The following RGS22 variants were observed in gnomAD, a reference collection of about 807,000 sequenced individuals.
RGS22 encodes regulator of G protein signaling 22, also known as regulator of G-protein signaling 22.
Under a neutral mutation model 172.9 loss-of-function variants are expected in RGS22, and 148 were observed. That is an observed-to-expected ratio of 0.86 (90% CI 0.75 to 0.98). The LOEUF (loss-of-function observed/expected upper bound fraction) is 0.98, where lower values mean the gene tolerates loss of function less well. RGS22 is among the 50% of genes least tolerant of loss of function. RGS22 has a pLI of 0.00. For synonymous variants in RGS22, 458 were observed against 480.2 expected, an observed-to-expected ratio of 0.95 and a Z score of 0.60; for missense variants, 1,347 against 1,440.8, an observed-to-expected ratio of 0.93 and a Z score of 1.05.
At chr8:100,001,202 TTATATA>T (rs140189906) in intron 18 of RGS22, among the ~76,000 whole-genome samples, 1 of 124,780 alleles carries the variant, frequency 8.0e-6, no homozygotes, top group African/African-American at 3.1e-5. Context: ...TCCCAATTTT[TTATATA>T]TATATATATA....
chr8:99,981,911 C>G (rs754599856), intron 22 of RGS22, 26 bp downstream of exon 22: 1 of 1,577,734 alleles, frequency 6.3e-7, no homozygotes, highest in Non-Finnish European at 8.6e-7. Flanking sequence ...TTAAAATATG[C>G]TTAGCCACAT....
chr8:100,007,836 C>T (rs1347619786), intron 15 of RGS22, among the ~76,000 whole-genome samples: 3 of 150,062 alleles, frequency 2.0e-5, no homozygotes, highest in African/African-American at 7.3e-5. Context: ...GGTGACAGAG[C>T]GAGACTCTGA....
chr8:100,100,312 C>T (rs1373861694), intron 2 of RGS22, among the ~76,000 whole-genome samples: 1 of 131,088 alleles, frequency 7.6e-6, no homozygotes, highest in East Asian at 2.2e-4. Flanking sequence ...TTTTTTGAGA[C>T]GTAGTCTCAT....
chr8:100,008,539 C>A lies in RGS22; in HGVS notation c.2197G>T (p.Ala733Ser). The change falls in exon 15 of 28, where the codon GCC becomes TCC. Residue 733 changes from alanine (A) to serine (S), a missense_variant. Transcript: ENST00000360863. The stretch of plus-strand genomic sequence containing the variant: ...TGTTGGAGTCCAATGTCAAGAGTGG[C>A]AGAAGGAGCAACGTATGTGGCAAAA... Reference protein sequence around the residue: ...YLFATYVAPSATLDIGLQQEK... With the variant: ...YLFATYVAPSSTLDIGLQQEK... The A allele has an allele frequency of 6.2e-7, 1 of 1,610,426 alleles. No individual in the cohort carries two copies. Among genetic ancestry groups the A allele is most frequent in the Non-Finnish European group, 8.5e-7 (1 of 1,179,208 alleles).
chr8:100,052,098 T>A (rs1231159688), intron 10 of RGS22, among the ~76,000 whole-genome samples: 45 of 63,366 alleles, frequency 7.1e-4, no homozygotes, highest in Non-Finnish European at 1.1e-3. Flanking sequence ...TTTATATATT[T>A]ATATATAAAT....
intron 14 of RGS22, among the ~76,000 whole-genome samples, chr8:100,034,369 C>T (rs185708601): frequency 5.9e-5 from 9 of 152,238 alleles, no homozygotes; most frequent in African/African-American, 1.9e-4. Flanking sequence ...TTCACAATTG[C>T]TACACAGAGA....
chr8:100,068,881 G>C (rs1239460940), intron 6 of RGS22, among the ~76,000 whole-genome samples: 1 of 150,424 alleles, frequency 6.6e-6, no homozygotes, highest in Non-Finnish European at 1.5e-5. Context: ...GCTGCAGTGA[G>C]CTGAGATTGT....
chr8:99,966,996 G>A (rs1263927575), intron 23 of RGS22, among the ~76,000 whole-genome samples: 1 of 152,206 alleles, frequency 6.6e-6, no homozygotes, highest in Non-Finnish European at 1.5e-5. Context: ...CAGAAGGAGG[G>A]TGATTTCTGC....
At chr8:100,085,338 A>G (rs567856003) in intron 3 of RGS22, among the ~76,000 whole-genome samples, 1 of 152,300 alleles carries the variant, frequency 6.6e-6, no homozygotes, top group South Asian at 2.1e-4. Flanking sequence ...CAAGGCCCCA[A>G]ATGAAATGAA....
Position 100,041,886 on chromosome 8 carries a change from G to T in RGS22, c.1854C>A (p.Val618=). Reference sequence around the variant, plus strand: ...TGTCAGTAAAAGATGTTAAATGAATGACTTTGCTGCTTTCTGACATGTACT... The same window carrying T: ...TGTCAGTAAAAGATGTTAAATGAATTACTTTGCTGCTTTCTGACATGTACT... ...GSKYMSESSK[V]IHLTSFTDIS... Residue 618 remains valine, a synonymous_variant, in exon 12 of 28, where the codon GTC becomes GTA. Transcript: ENST00000360863. 1.9e-6 allele frequency: 3 copies of T among 1,612,490 alleles called. No individual in the cohort carries two copies. The South Asian group carries it at 3.3e-5, about 18-fold the overall frequency.
intron 2 of RGS22, among the ~76,000 whole-genome samples, chr8:100,103,388 G>A (rs1813656539): frequency 6.6e-6 from 1 of 152,204 alleles, no homozygotes; most frequent in Non-Finnish European, 1.5e-5. Flanking sequence ...CTTGGTAAAT[G>A]ATTGCAGGCA....
chr8:100,042,617 C>A (rs1820256776), intron 11 of RGS22: 1 of 152,208 alleles, frequency 6.6e-6, no homozygotes, highest in African/African-American at 2.4e-5. Flanking sequence ...CACACCCACA[C>A]TGCAATTATT....
chr8:100,105,899 G>A lies in RGS22; in HGVS notation c.23C>T (p.Ala8Val). Residue 8 changes from alanine to valine, a missense_variant and splice_region_variant, in exon 1 of 28, where the codon GCG becomes GTG. Coordinates refer to ENST00000360863, the MANE Select transcript of RGS22 (RefSeq NM_015668.5). MPEKRLT[A>V]EPPTITEEEF... The stretch of plus-strand genomic sequence containing the variant: ...GTCCCTGTGGGGCCGCCACCTACCC[G>A]CGGTGAGCCTCTTCTCGGGCATGCC... 2 of 1,500,152 alleles carry A rather than the reference G, an allele frequency of 1.3e-6. No individual in the cohort carries two copies. Among genetic ancestry groups the A allele is most frequent in the Non-Finnish European group, 1.8e-6 (2 of 1,126,768 alleles). The allele number at this position is 1,500,152 out of a possible 1,614,324, so 92.9% of individuals were successfully genotyped here.
intron 15 of RGS22, among the ~76,000 whole-genome samples, chr8:100,006,435 T>C (rs1357388955): frequency 6.6e-6 from 1 of 152,192 alleles, no homozygotes; most frequent in African/African-American, 2.4e-5. Context: ...TGAAAGCAGA[T>C]GCCACTAGCT....
At chr8:99,965,937 T>C (rs1169627141) in intron 23 of RGS22, among the ~76,000 whole-genome samples, 1 of 152,234 alleles carries the variant, frequency 6.6e-6, no homozygotes, top group Non-Finnish European at 1.5e-5. Context: ...TTATCTGCTG[T>C]AGAACAGTGT....
intron 5 of RGS22, 127 bp from the exon 6 acceptor site, chr8:100,071,664 C>T: frequency 1.7e-6 from 1 of 591,588 alleles, no homozygotes; most frequent in South Asian, 3.5e-5. Flanking sequence ...TTTTCTTTGG[C>T]TCTGCTAAAA....
At chr8:99,972,143 A>G (rs1234326506) in intron 23 of RGS22, among the ~76,000 whole-genome samples, 2 of 152,182 alleles carry the variant, frequency 1.3e-5, no homozygotes, top group Non-Finnish European at 2.9e-5. Flanking sequence ...AAAACAAGCA[A>G]TAGGGAAAGG....
intron 6 of RGS22, among the ~76,000 whole-genome samples, chr8:100,069,479 T>C (rs1166472131): frequency 6.6e-6 from 1 of 152,224 alleles, no homozygotes; most frequent in African/African-American, 2.4e-5. Flanking sequence ...AAAAGGACAT[T>C]TGATTCTAGG....
chr8:99,972,759 C>T (rs995705945), intron 23 of RGS22, among the ~76,000 whole-genome samples: 9 of 152,140 alleles, frequency 5.9e-5, no homozygotes, highest in Admixed American at 2.0e-4. Context: ...ATAAGCTGGG[C>T]GTGGTGGCTC....
Sources: allele counts gnomAD v4.1 joint callset (sites outside exome capture counted in the v4.1 genomes callset), GRCh38; gene constraint gnomAD v4.1.1; transcripts MANE v1.5; gene names NCBI Gene and HGNC (gene_info 2026-07-23, HGNC 2026-07-21).